The following SLC35F2 variants were observed in gnomAD, a reference collection of about 807,000 sequenced individuals.
SLC35F2 encodes the protein solute carrier family 35 member F2, also known as queuine/queuosine transporter SLC35F2.
Under a neutral mutation model 38.1 loss-of-function variants are expected in SLC35F2, and 25 were observed. That is an observed-to-expected ratio of 0.66 (90% CI 0.48 to 0.92). The LOEUF (loss-of-function observed/expected upper bound fraction) is 0.92, where lower values mean the gene tolerates loss of function less well. SLC35F2 is among the 40% of genes least tolerant of loss of function. SLC35F2 has a pLI of 0.00. For missense variants in SLC35F2, 409 were observed against 452.9 expected (o/e 0.90, Z 0.88); for synonymous variants, 173 against 181.7 (o/e 0.95, Z 0.38).
intron 1 of SLC35F2, among the ~76,000 whole-genome samples, chr11:107,838,526 T>C (rs1472321983): frequency 1.3e-5 from 2 of 152,024 alleles, no homozygotes; most frequent in East Asian, 3.9e-4. Context: ...GGTTTCACCA[T>C]GTTGGCCAGG....
intron 1 of SLC35F2, among the ~76,000 whole-genome samples, chr11:107,829,853 T>C (rs541591571): frequency 5.3e-4 from 80 of 152,256 alleles, no homozygotes; most frequent in African/African-American, 1.8e-3. Context: ...CAACAAACTA[T>C]AGTGGTGCTA....
chr11:107,840,889 T>C (rs1204558304), intron 1 of SLC35F2: 1 of 152,232 alleles, frequency 6.6e-6, no homozygotes, highest in African/African-American at 2.4e-5. Flanking sequence ...CTGTGACTAA[T>C]CTAGAAAGCT....
chr11:107,811,606 T>G (rs1859480539), intron 3 of SLC35F2, 61 bp downstream of exon 3: 3 of 1,479,364 alleles, frequency 2.0e-6, no homozygotes, highest in Non-Finnish European at 2.8e-6. Flanking sequence ...TCAACACATA[T>G]GACTTCGTGT....
At chr11:107,805,197 C>T in intron 5 of SLC35F2, 162 bp downstream of exon 5, 4 of 975,876 alleles carry the variant, frequency 4.1e-6, no homozygotes, top group Non-Finnish European at 4.9e-6. Flanking sequence ...CTAGTAGACA[C>T]TCAGCAAGTT....
In SLC35F2 at chr11:107,792,507, A is replaced by C; in HGVS notation, c.*108T>G. ...AAAACCTAACCACTGGATCCAACCCAGGGTTGTAGAGTGTCCATTCTGAGT... is the reference window on the plus strand; with the variant it reads ...AAAACCTAACCACTGGATCCAACCCCGGGTTGTAGAGTGTCCATTCTGAGT... On this transcript the variant is annotated 3_prime_UTR_variant, in exon 8 of 8. Transcript: ENST00000525815. 1 of 1,293,870 alleles carries C rather than the reference A, an allele frequency of 7.7e-7. No individual in the cohort carries two copies. The highest frequency in any genetic ancestry group is 2.6e-5 in the East Asian group (1 of 38,410). 80.1% of individuals were successfully genotyped at this position (1,293,870 alleles called of 1,614,324 possible).
intron 1 of SLC35F2, among the ~76,000 whole-genome samples, chr11:107,854,855 T>C (rs751406110): frequency 6.6e-6 from 1 of 152,162 alleles, no homozygotes; most frequent in Non-Finnish European, 1.5e-5. Flanking sequence ...ATGAGCTATG[T>C]GGTTATAAAT....
chr11:107,855,298 T>C (rs1172713937), intron 1 of SLC35F2, among the ~76,000 whole-genome samples: 1 of 152,124 alleles, frequency 6.6e-6, no homozygotes, highest in East Asian at 1.9e-4. Flanking sequence ...CATTCATTCA[T>C]TCATGTGCTA....
At chr11:107,795,110 T>C (rs189856422) in intron 7 of SLC35F2, among the ~76,000 whole-genome samples, 3 of 152,324 alleles carry the variant, frequency 2.0e-5, no homozygotes, top group African/African-American at 7.2e-5. Context: ...AAAATGAGCA[T>C]ACTGCCCAAA....
chr11:107,853,524 C>T (rs1260274743), intron 1 of SLC35F2, among the ~76,000 whole-genome samples: 1 of 151,718 alleles, frequency 6.6e-6, no homozygotes, highest in Admixed American at 6.6e-5. Context: ...CGAGACCATC[C>T]TGGCTAACAC....
intron 1 of SLC35F2, among the ~76,000 whole-genome samples, chr11:107,822,423 TA>T (rs1322936084): frequency 6.6e-6 from 1 of 152,222 alleles, no homozygotes; most frequent in East Asian, 1.9e-4. Flanking sequence ...CTCAGTCATA[TA>T]TTCACCAAAG....
chr11:107,856,047 G>A (rs1244810822), intron 1 of SLC35F2, among the ~76,000 whole-genome samples: 3 of 147,994 alleles, frequency 2.0e-5, no homozygotes, highest in Non-Finnish European at 4.5e-5. Context: ...AGAGGTTGCA[G>A]TGAGCCATGA....
chr11:107,846,916 C>T (rs58034440), intron 1 of SLC35F2, among the ~76,000 whole-genome samples: 62,275 of 144,940 alleles, frequency 0.43, 13,168 homozygotes, highest in Admixed American at 0.54. Context: ...AGTGTCAGAG[C>T]GAGACTCTGT....
At chr11:107,845,775 A>G (rs1860096306) in intron 1 of SLC35F2, among the ~76,000 whole-genome samples, 1 of 151,920 alleles carries the variant, frequency 6.6e-6, no homozygotes, top group African/African-American at 2.4e-5. Flanking sequence ...CAACATGGTA[A>G]AACCCCATCT....
chr11:107,845,317 C>G (rs1446102191), intron 1 of SLC35F2, among the ~76,000 whole-genome samples: 3 of 152,138 alleles, frequency 2.0e-5, no homozygotes, highest in Non-Finnish European at 4.4e-5. Flanking sequence ...AAGGTTCACA[C>G]TTGTAATCCC....
chr11:107,852,495 C>T (rs997190676), intron 1 of SLC35F2, among the ~76,000 whole-genome samples: 50 of 146,832 alleles, frequency 3.4e-4, no homozygotes, highest in African/African-American at 1.2e-3. Context: ...AGGTTGCAGT[C>T]AGCTGAGATT....
rs560580615 is a variant in SLC35F2 at position 107,814,044 on chromosome 11, C to A, written c.286+1746G>T. ...TCTAATTTCCTAAGTGTGCACAGTG[C>A]TGTCCTTGTTCACTGGATTCACTAA... On this transcript the variant is annotated intron_variant, in intron 2 of 7. Transcript: ENST00000525815. Among the ~76,000 whole-genome samples the A allele has an allele frequency of 2.9e-4, 44 of 152,280 alleles. No homozygotes were observed. In the South Asian group the frequency reaches 3.1e-3, roughly 11 times the overall value.
chr11:107,794,696 C>G (rs1859190829), intron 7 of SLC35F2, among the ~76,000 whole-genome samples: 1 of 152,104 alleles, frequency 6.6e-6, no homozygotes, highest in South Asian at 2.1e-4. Context: ...ACTGGAAGTC[C>G]TAGCCAGAGC....
intron 3 of SLC35F2, 61 bp from the exon 4 acceptor site, chr11:107,806,937 T>C (rs1859402119): frequency 6.7e-7 from 1 of 1,492,480 alleles, no homozygotes; most frequent in African/African-American, 1.4e-5. Context: ...AGATGGGTAA[T>C]TAAGAAATAA....
chr11:107,823,156 C>G (rs1207542073), intron 1 of SLC35F2: 13 of 985,218 alleles, frequency 1.3e-5, no homozygotes, highest in Non-Finnish European at 1.3e-5. Flanking sequence ...CCAGTTGGAT[C>G]AGATTCTCAG....
Sources: allele counts gnomAD v4.1 joint callset (sites outside exome capture counted in the v4.1 genomes callset), GRCh38; gene constraint gnomAD v4.1.1; transcripts MANE v1.5; gene names NCBI Gene and HGNC (gene_info 2026-07-23, HGNC 2026-07-21).